Variants in MGAT4C observed in about 807,000 individuals in gnomAD.
MGAT4C encodes the protein alpha-1,3-mannosyl-glycoprotein 4-beta-N-acetylglucosaminyltransferase C.
Under a neutral mutation model 40.1 loss-of-function variants are expected in MGAT4C, and 19 were observed. The ratio of observed to expected loss-of-function variants is 0.47; its 90% CI spans 0.33 to 0.70. MGAT4C has a LOEUF of 0.70. Ranked by LOEUF, MGAT4C falls within the 30% of genes least tolerant of loss-of-function variation. The pLI is 0.02. For missense variants in MGAT4C, 491 were observed against 563.2 expected (o/e 0.87, Z 1.30); for synonymous variants, 181 against 187.1 (o/e 0.97, Z 0.27).
chr12:86,673,880 G>T (rs1041875513), intron 2 of MGAT4C, among the ~76,000 whole-genome samples: 6 of 151,822 alleles, frequency 4.0e-5, no homozygotes, highest in Non-Finnish European at 8.8e-5. Context: ...TTTATGAAGG[G>T]AATAAAATAA....
At chr12:86,667,475 A>G (rs1964140841) in intron 2 of MGAT4C, among the ~76,000 whole-genome samples, 1 of 152,216 alleles carries the variant, frequency 6.6e-6, no homozygotes, top group Admixed American at 6.5e-5. Flanking sequence ...CAAGCAAGCA[A>G]ATCAGACTGT....
Position 86,150,034 on chromosome 12 carries a change from T to C in MGAT4C, c.-56-100311A>G, listed in dbSNP as rs982812179. On this transcript the variant is annotated intron_variant, in intron 1 of 4. Transcript: ENST00000611864. ...GGTTTCATGGGAGACAATGTTTTCATGAACTGGGTGGTGGATGGGTGGAAG... is the reference window on the plus strand; with the variant it reads ...GGTTTCATGGGAGACAATGTTTTCACGAACTGGGTGGTGGATGGGTGGAAG... 5.9e-5 allele frequency among the ~76,000 whole-genome samples: 9 copies of C among 152,204 alleles called. No homozygotes were observed. In the East Asian group the frequency reaches 1.5e-3, roughly 26 times the overall value.
intron 3 of MGAT4C, among the ~76,000 whole-genome samples, chr12:86,383,794 G>A (rs1592770372): frequency 6.6e-6 from 1 of 152,124 alleles, no homozygotes; most frequent in South Asian, 2.1e-4. Context: ...AGACTTTTAA[G>A]TTAATGCTGA....
intron 1 of MGAT4C, among the ~76,000 whole-genome samples, chr12:86,139,768 C>T (rs757128780): frequency 2.0e-5 from 3 of 152,042 alleles, no homozygotes; most frequent in Non-Finnish European, 4.4e-5. Context: ...TTAAGCTTTA[C>T]TAGACAATGC....
At chr12:85,984,732 C>CT (rs894338680) in intron 3 of MGAT4C, among the ~76,000 whole-genome samples, 6 of 150,910 alleles carry the variant, frequency 4.0e-5, no homozygotes, top group African/African-American at 7.3e-5. Context: ...CTCTCTCTCT[C>CT]TTTTTTTTTC....
chr12:86,102,763 T>G (rs544373372), intron 1 of MGAT4C, among the ~76,000 whole-genome samples: 1 of 152,270 alleles, frequency 6.6e-6, no homozygotes, highest in East Asian at 1.9e-4. Context: ...CAAAACAGTA[T>G]TTTTTATGTT....
chr12:86,630,151 AG>A (rs1159613546), intron 2 of MGAT4C, among the ~76,000 whole-genome samples: 3 of 152,214 alleles, frequency 2.0e-5, no homozygotes, highest in African/African-American at 7.2e-5. Flanking sequence ...TAGAAAATCT[AG>A]AAGAAATGGA....
rs182008556 is a variant in MGAT4C at position 86,012,184 on chromosome 12, C to T, written c.-6-22632G>A. 5.4e-3 allele frequency among the ~76,000 whole-genome samples: 827 copies of T among 152,222 alleles called. 7 individuals carry two copies. The highest frequency in any genetic ancestry group is 6.3e-3 in the Admixed American group (97 of 15,282). On this transcript the variant is annotated intron_variant, in intron 2 of 4. Transcript: ENST00000611864. Reference sequence around the variant, plus strand: ...AATGTCATAGACATTTGCTTGCTAACGGCATATCCCACGATACTTTTTATT... The same window carrying T: ...AATGTCATAGACATTTGCTTGCTAATGGCATATCCCACGATACTTTTTATT...
intron 2 of MGAT4C, among the ~76,000 whole-genome samples, chr12:86,704,405 C>T (rs997562849): frequency 1.3e-5 from 2 of 150,644 alleles, no homozygotes; most frequent in African/African-American, 2.4e-5. Flanking sequence ...GGTCTTTTTA[C>T]GATGGAAAAA....
chr12:86,687,880 A>C (rs1486684863), intron 2 of MGAT4C, among the ~76,000 whole-genome samples: 2 of 152,044 alleles, frequency 1.3e-5, no homozygotes, highest in African/African-American at 4.8e-5. Context: ...TCAAATCCTG[A>C]AGATCCTTGT....
At chr12:86,536,736 T>C (rs1486475660) in intron 2 of MGAT4C, among the ~76,000 whole-genome samples, 1 of 152,158 alleles carries the variant, frequency 6.6e-6, no homozygotes, top group African/African-American at 2.4e-5. Context: ...GTAGAAAATA[T>C]ACCACCCATG....
Position 86,461,407 on chromosome 12 carries a change from G to A in MGAT4C, c.-228-26142C>T, listed in dbSNP as rs568001575. On this transcript the variant is annotated intron_variant, in intron 2 of 7. Transcript: ENST00000548651. Reference sequence around the variant, plus strand: ...ACTACAGGCGCCCGCCACCGCGCCCGGTTAATTTTTTGTATTTTTAGTAGA... The same window carrying A: ...ACTACAGGCGCCCGCCACCGCGCCCAGTTAATTTTTTGTATTTTTAGTAGA... Among the ~76,000 whole-genome samples, 1,028 of 151,854 alleles carry A rather than the reference G, an allele frequency of 6.8e-3. 11 individuals are homozygous for A. The highest frequency in any genetic ancestry group is 8.4e-3 in the Non-Finnish European group (573 of 67,938).
chr12:86,407,622 A>G (rs141276561), intron 3 of MGAT4C, among the ~76,000 whole-genome samples: 1 of 152,104 alleles, frequency 6.6e-6, no homozygotes, highest in Admixed American at 6.6e-5. Flanking sequence ...ACTTTTTTTT[A>G]AGTTTAATCA....
At chr12:85,988,436 CTT>C (rs1370898165) in intron 3 of MGAT4C, among the ~76,000 whole-genome samples, 4 of 151,978 alleles carry the variant, frequency 2.6e-5, no homozygotes, top group Non-Finnish European at 5.9e-5. Flanking sequence ...TACTCTCTCT[CTT>C]GTTAAGACAC....
intron 2 of MGAT4C, chr12:86,012,001 T>C: frequency 3.1e-6 from 1 of 321,002 alleles, no homozygotes; most frequent in Non-Finnish European, 4.5e-6. Flanking sequence ...TTTTTCTTTG[T>C]TTTGGAATAA....
intron 1 of MGAT4C, among the ~76,000 whole-genome samples, chr12:86,081,828 C>A (rs1472167067): frequency 6.6e-6 from 1 of 152,152 alleles, no homozygotes; most frequent in Admixed American, 6.6e-5. Flanking sequence ...TAAGATATAA[C>A]ATTGCCGAAT....
At chr12:86,472,004 T>C (rs1291581015) in intron 2 of MGAT4C, among the ~76,000 whole-genome samples, 4 of 152,142 alleles carry the variant, frequency 2.6e-5, no homozygotes, top group Non-Finnish European at 5.9e-5. Flanking sequence ...CAATAGTTTT[T>C]GTATTTTAAC....
chr12:86,576,494 T>C (rs1255473128), intron 2 of MGAT4C, among the ~76,000 whole-genome samples: 1 of 151,910 alleles, frequency 6.6e-6, no homozygotes, highest in Non-Finnish European at 1.5e-5. Flanking sequence ...CTTTAATTTT[T>C]GTATATGGTG....
At chr12:86,665,361 G>A (rs1593093830) in intron 2 of MGAT4C, among the ~76,000 whole-genome samples, 1 of 152,094 alleles carries the variant, frequency 6.6e-6, no homozygotes, top group African/African-American at 2.4e-5. Context: ...TGATTGTGTT[G>A]GAAAAGTTAT....
Sources: gnomAD v4.1 joint callset for allele counts (sites outside exome capture counted in the v4.1 genomes callset) on GRCh38, gnomAD v4.1.1 for gene constraint, MANE v1.5 for transcripts, NCBI Gene and HGNC (gene_info 2026-07-23, HGNC 2026-07-21) for gene names.